TARDBP: variants seen among roughly 807,000 people sequenced by gnomAD.
The protein encoded by TARDBP is TAR DNA-binding protein 43.
In TARDBP, 4 loss-of-function variants were observed where a neutral mutation model predicts 38.3. The observed-to-expected ratio is 0.10, with a 90% CI of 0.05 to 0.24. TARDBP has a LOEUF of 0.24. Among genes scored for constraint, TARDBP ranks in the 10% least tolerant of loss-of-function variants. The probability of loss-of-function intolerance (pLI) is 1.00; values close to 1 mark genes in which losing one functional copy is unlikely to be tolerated. For missense variants in TARDBP, 202 were observed against 521.9 expected (o/e 0.39, Z 5.97); for synonymous variants, 184 against 183.8 (o/e 1.00, Z -0.01).
At chr1:11,016,796 G>T (rs1436538207) in intron 2 of TARDBP, 48 bp from the exon 3 acceptor site, 7 of 1,592,762 alleles carry the variant, frequency 4.4e-6, no homozygotes, top group Non-Finnish European at 5.2e-6. Context: ...TGTTTTTAAA[G>T]AAGTGCTAAG....
downstream of TARDBP, chr1:11,027,670 T>TA: frequency 1.3e-6 from 2 of 1,554,672 alleles, no homozygotes; most frequent in East Asian, 4.5e-5. Flanking sequence ...AGCAGATAGG[T>TA]AGAGAGCCTT....
Position 11,018,877 on chromosome 1 carries a change from C to G in TARDBP, c.543+4C>G. 6.2e-7 allele frequency: 1 copy of G among 1,614,024 alleles called. No individual in the cohort carries two copies. On this transcript the variant is annotated splice_donor_region_variant and intron_variant, in intron 4 of 5. Coordinates refer to ENST00000240185, the MANE Select transcript of TARDBP (RefSeq NM_007375.4). The stretch of plus-strand genomic sequence containing the variant: ...CTGCAAACTTCCTAATTCTAAGGTA[C>G]TTGCGTCTGTGCTTTGGGAATTTTT...
downstream of TARDBP, chr1:11,026,807 GCTT>G: frequency 7.9e-7 from 1 of 1,263,948 alleles, no homozygotes; most frequent in Non-Finnish European, 1.1e-6. Flanking sequence ...AATGATGAAT[GCTT>G]CTCGAGCCAC....
chr1:11,028,313 CT>C (rs1643774976), downstream of TARDBP, among the ~76,000 whole-genome samples: 2 of 152,096 alleles, frequency 1.3e-5, no homozygotes, highest in South Asian at 4.1e-4. Context: ...AGGATATAAC[CT>C]TTTCATTGTT....
chr1:11,014,015 G>T (rs1375876346), intron 2 of TARDBP, 50 bp downstream of exon 2: 1 of 1,569,378 alleles, frequency 6.4e-7, no homozygotes, highest in East Asian at 2.2e-5. Flanking sequence ...GTTCAGGTGT[G>T]TGTCTCATCC....
downstream of TARDBP, chr1:11,026,626 A>AT (rs1643736133): frequency 2.2e-5 from 7 of 322,016 alleles, no homozygotes; most frequent in Non-Finnish European, 3.9e-5. Context: ...ATGAAATGTA[A>AT]TTTGAGCAGT....
chr1:11,028,717 T>G (rs373946618), downstream of TARDBP, among the ~76,000 whole-genome samples: 29,196 of 138,938 alleles, frequency 0.21, 7,270 homozygotes, highest in African/African-American at 0.61. Context: ...TTTTTTTTTT[T>G]TTTTTTTTTT....
At chr1:11,027,080 TTC>T, downstream of TARDBP, 1 of 1,597,708 alleles carries the variant, frequency 6.3e-7, no homozygotes, top group Admixed American at 1.7e-5. Context: ...TGCCCCCACT[TTC>T]TAAGCCAGCA....
downstream of TARDBP, among the ~76,000 whole-genome samples, chr1:11,028,706 CTTTTTTTTTTT>C (rs1184236433): frequency 8.3e-5 from 1 of 12,066 alleles, no homozygotes; most frequent in East Asian, 1.3e-3. Context: ...GGTTTTTTTT[CTTTTTTTTTTT>C]TTTTTTTTTT....
At chr1:11,028,713 T>G (rs80022728), downstream of TARDBP, among the ~76,000 whole-genome samples, 13,975 of 136,602 alleles carry the variant, frequency 0.1, 1,290 homozygotes, top group African/African-American at 0.23. Context: ...TTTCTTTTTT[T>G]TTTTTTTTTT....
Position 11,013,027 on chromosome 1 carries a change from G to T in TARDBP, c.-13+284G>T, listed in dbSNP as rs145355924. ...CGGAGCCTTCGGTACTTTGTACTTC[G>T]AGGGACGCTGCCAGCTTGGGCCTGG... On this transcript the variant is annotated intron_variant, in intron 1 of 5. Coordinates refer to ENST00000240185, the MANE Select transcript of TARDBP (RefSeq NM_007375.4). Among the ~76,000 whole-genome samples, 265 of 152,334 alleles carry T rather than the reference G, an allele frequency of 1.7e-3. 2 individuals carry two copies. Among genetic ancestry groups the T allele is most frequent in the Admixed American group, 3.3e-3 (50 of 15,306 alleles).
At chr1:11,018,600 A>T in intron 3 of TARDBP, 133 bp from the exon 4 acceptor site, 1 of 1,216,450 alleles carries the variant, frequency 8.2e-7, no homozygotes, top group Non-Finnish European at 1.2e-6. Context: ...TACTGTTAAG[A>T]CTAACTTGGT....
In TARDBP at chr1:11,023,320, G is replaced by C; in HGVS notation, c.*666G>C. 1 of 1,482,602 alleles carries C rather than the reference G, an allele frequency of 6.7e-7. No homozygotes were observed. Among genetic ancestry groups the C allele is most frequent in the African/African-American group, 1.4e-5 (1 of 71,720 alleles). The allele number at this position is 1,482,602 out of a possible 1,614,324, so 91.8% of individuals were successfully genotyped here. A position where few individuals can be genotyped will look rare whatever the true frequency, so the allele number is the denominator to read the frequency against. ...TTCGTCATCACGCATCACAGGCCGC[G>C]TCTTTGACGGTGGGTGTCCCATTTT... On this transcript the variant is annotated 3_prime_UTR_variant, in exon 6 of 6. Coordinates refer to ENST00000240185, the MANE Select transcript of TARDBP (RefSeq NM_007375.4).
intron 3 of TARDBP, 157 bp from the exon 4 acceptor site, chr1:11,018,576 A>T: frequency 1.1e-6 from 1 of 921,546 alleles, no homozygotes; most frequent in Non-Finnish European, 1.7e-6. Context: ...ATTCAATATT[A>T]ACCTCCTTGT....
chr1:11,016,620 AAAC>A (rs1643530650), intron 2 of TARDBP, among the ~76,000 whole-genome samples: 1 of 152,224 alleles, frequency 6.6e-6, no homozygotes, highest in African/African-American at 2.4e-5. Flanking sequence ...ATGCTACAAA[AAAC>A]AAACTTGGAA....
rs769281218 is a variant in TARDBP at position 11,022,691 on chromosome 1, G to A, written c.*37G>A. ...GTGGTTGGTTGGTATAGAATGGTGG[G>A]AATTCAAATTTTTCTAAACTCATGG... On this transcript the variant is annotated 3_prime_UTR_variant, in exon 6 of 6. Coordinates refer to ENST00000240185, the MANE Select transcript of TARDBP (RefSeq NM_007375.4). The surrounding 1 kb of genome is among the most constrained non-coding windows in gnomAD (Gnocchi z 4.5). 4.4e-6 allele frequency: 7 copies of A among 1,587,808 alleles called. No homozygotes were observed. Among genetic ancestry groups the A allele is most frequent in the Non-Finnish European group, 6.0e-6 (7 of 1,168,804 alleles).
At chr1:11,030,158 T>C, downstream of TARDBP, 9 of 1,586,172 alleles carry the variant, frequency 5.7e-6, no homozygotes, top group Non-Finnish European at 7.8e-6. Flanking sequence ...CAGTCTCTTG[T>C]ATAAATGTAT....
At chr1:11,017,883 C>A (rs949109797) in intron 3 of TARDBP, among the ~76,000 whole-genome samples, 2 of 52,194 alleles carry the variant, frequency 3.8e-5, no homozygotes, top group Non-Finnish European at 9.0e-5. Flanking sequence ...CTCAGTTTCT[C>A]TTTTTTCTTT....
intron 1 of TARDBP, among the ~76,000 whole-genome samples, chr1:11,013,071 C>T (rs994871378): frequency 1.3e-4 from 20 of 152,208 alleles, no homozygotes; most frequent in Non-Finnish European, 2.5e-4. Context: ...CGCCCCACCC[C>T]GGGCCGCGCC....
Sources: allele counts gnomAD v4.1 joint callset (sites outside exome capture counted in the v4.1 genomes callset), GRCh38; gene constraint gnomAD v4.1.1; non-coding constraint Gnocchi (gnomAD v3.1); transcripts MANE v1.5; gene names NCBI Gene and HGNC (gene_info 2026-07-23, HGNC 2026-07-21).